Variants in ADGRB3 observed in about 807,000 individuals in gnomAD.
ADGRB3 encodes the protein adhesion G protein-coupled receptor B3.
Under a neutral mutation model 193.4 loss-of-function variants are expected in ADGRB3, and 37 were observed. That is an observed-to-expected ratio of 0.19 (90% confidence interval 0.15 to 0.25). The LOEUF is 0.25. ADGRB3 is among the 10% of genes least tolerant of loss of function. The probability of loss-of-function intolerance (pLI) is 1.00; values close to 1 mark genes in which losing one functional copy is unlikely to be tolerated. For synonymous variants in ADGRB3, 690 were observed against 644.2 expected (o/e 1.07, Z -1.08); for missense variants, 1,637 against 1,852.9 (o/e 0.88, Z 2.14).
At chr6:69,061,760 A>G (rs1322040012) in intron 15 of ADGRB3, among the ~76,000 whole-genome samples, 1 of 43,842 alleles carries the variant, frequency 2.3e-5, no homozygotes, top group Non-Finnish European at 7.0e-5. Flanking sequence ...GTTATGCTAA[A>G]TGAATTAAGT....
chr6:68,868,682 A>G (rs1398596991), intron 3 of ADGRB3, among the ~76,000 whole-genome samples: 3 of 152,210 alleles, frequency 2.0e-5, no homozygotes, highest in South Asian at 2.1e-4. Context: ...TTGGGAAAAA[A>G]TCTAGTTTTA....
At chr6:68,728,571 C>A (rs969059711) in intron 3 of ADGRB3, among the ~76,000 whole-genome samples, 19 of 151,492 alleles carry the variant, frequency 1.3e-4, no homozygotes, top group African/African-American at 4.1e-4. Flanking sequence ...CTAAATTACA[C>A]ACACACAAAC....
intron 3 of ADGRB3, among the ~76,000 whole-genome samples, chr6:68,872,982 A>G (rs1464943239): frequency 6.6e-6 from 1 of 152,128 alleles, no homozygotes; most frequent in Non-Finnish European, 1.5e-5. Flanking sequence ...GAGGAGAGAA[A>G]TGTATTGAAT....
At chr6:69,314,918 G>A (rs1425073003) in intron 20 of ADGRB3, among the ~76,000 whole-genome samples, 1 of 151,440 alleles carries the variant, frequency 6.6e-6, no homozygotes, top group African/African-American at 2.4e-5. Flanking sequence ...ATTAGTTGAG[G>A]TGCTTTATCC....
intron 3 of ADGRB3, among the ~76,000 whole-genome samples, chr6:68,861,465 G>A (rs930392401): frequency 2.0e-5 from 3 of 152,186 alleles, no homozygotes; most frequent in Admixed American, 2.0e-4. Flanking sequence ...GGGAGGTGGA[G>A]GCAGGAGAAT....
chr6:69,255,627 A>G (rs565261226), intron 20 of ADGRB3, among the ~76,000 whole-genome samples: 11 of 152,258 alleles, frequency 7.2e-5, no homozygotes, highest in Admixed American at 2.0e-4. Flanking sequence ...AGTAGGTTGC[A>G]AAAATTTTCT....
chr6:68,657,207 A>G (rs1048074016), intron 3 of ADGRB3, among the ~76,000 whole-genome samples: 1 of 151,424 alleles, frequency 6.6e-6, no homozygotes, highest in Non-Finnish European at 1.5e-5. Flanking sequence ...AAGGAAAATG[A>G]GTACAAATGA....
At chr6:68,913,829 A>G (rs895994445) in intron 3 of ADGRB3, among the ~76,000 whole-genome samples, 12 of 152,210 alleles carry the variant, frequency 7.9e-5, no homozygotes, top group Non-Finnish European at 1.6e-4. Context: ...TAGAATAACC[A>G]ATACAGAGAA....
At chr6:69,331,949 C>A in intron 23 of ADGRB3, 1 of 985,288 alleles carries the variant, frequency 1.0e-6, no homozygotes, top group South Asian at 4.7e-5. Flanking sequence ...TAAGTCCATA[C>A]TTAATAGGTA....
At chr6:69,067,830 G>A (rs1224719798) in intron 16 of ADGRB3, among the ~76,000 whole-genome samples, 1 of 152,152 alleles carries the variant, frequency 6.6e-6, no homozygotes, top group Non-Finnish European at 1.5e-5. Context: ...TTCTTCAGTA[G>A]ACATCCTTCT....
chr6:69,266,312 T>G (rs1280493190), intron 20 of ADGRB3, among the ~76,000 whole-genome samples: 1 of 151,970 alleles, frequency 6.6e-6, no homozygotes, highest in Non-Finnish European at 1.5e-5. Flanking sequence ...TTTAGCATGG[T>G]TTCTTTAGTT....
At position 69,082,182 on chromosome 6, in the gene ADGRB3, G is replaced by GA. The variant is rs918374299; in HGVS notation, c.2480+6153dup. 1.1e-3 allele frequency among the ~76,000 whole-genome samples: 169 copies of GA among 151,194 alleles called. 1 individual carries two copies. The highest frequency in any genetic ancestry group is 3.8e-3 in the African/African-American group (158 of 41,304). On this transcript the variant is annotated intron_variant, in intron 17 of 31. Transcript: ENST00000370598. Reference sequence around the variant, plus strand: ...AATATTTACTATTTAGTCTTTTATAGAAAAAAAAATTGCCAGCCTCTGCCC... The same window carrying GA: ...AATATTTACTATTTAGTCTTTTATAGAAAAAAAAAATTGCCAGCCTCTGCCC...
chr6:69,297,751 G>T (rs1273133342), intron 20 of ADGRB3, among the ~76,000 whole-genome samples: 4 of 151,846 alleles, frequency 2.6e-5, no homozygotes, highest in African/African-American at 7.3e-5. Flanking sequence ...ACCTATAGTT[G>T]CACTCAAAAT....
chr6:68,901,096 T>G (rs964155601), intron 3 of ADGRB3, among the ~76,000 whole-genome samples: 2 of 152,136 alleles, frequency 1.3e-5, no homozygotes, highest in African/African-American at 2.4e-5. Context: ...AATTTAGCAG[T>G]AAATAATAAC....
At chr6:68,638,623 C>A in intron 2 of ADGRB3, 38 bp from the exon 3 acceptor site, 2 of 1,531,042 alleles carry the variant, frequency 1.3e-6, no homozygotes, top group Non-Finnish European at 1.8e-6. Context: ...TGCACGTAGA[C>A]TCCTACTTGC....
In ADGRB3 at chr6:68,755,749, A is replaced by G. The variant is rs531810139; in HGVS notation, c.757+116317A>G. Among the ~76,000 whole-genome samples, 5 of 152,250 alleles carry G rather than the reference A, an allele frequency of 3.3e-5. No homozygotes were observed. The South Asian group carries it at 8.3e-4, about 25-fold the overall frequency. On this transcript the variant is annotated intron_variant, in intron 3 of 31. Coordinates refer to ENST00000370598, the MANE Select transcript of ADGRB3 (RefSeq NM_001704.3). ...ACAGAAGATAGAGGAGCAAGAACTG[A>G]ATGCTTTGGGTGCCAGGAAGTGGAG... is the stretch of plus-strand genomic sequence containing the variant.
rs1582421080 is a variant in ADGRB3 at position 69,048,222 on chromosome 6, A to G, written c.2145A>G (p.Leu715=). Residue 715 remains leucine (L), a synonymous_variant, in exon 14 of 32, where the codon CTA becomes CTG. Coordinates refer to ENST00000370598, the MANE Select transcript of ADGRB3 (RefSeq NM_001704.3). ...SIQKLPAASV[L]TDINFPMKGR... is the part of the protein sequence containing the mutation. ...AGAAGCTTCCTGCAGCCTCTGTTCT[A>G]ACAGACATCAACTTTCCAATGAAAG... 2 of 1,613,510 alleles carry G rather than the reference A, an allele frequency of 1.2e-6. No homozygotes were observed. The highest frequency in any genetic ancestry group is 1.1e-5 in the South Asian group (1 of 91,058).
At chr6:69,234,852 G>A (rs1766225700) in intron 18 of ADGRB3, among the ~76,000 whole-genome samples, 180 bp from the exon 19 acceptor site, 1 of 152,042 alleles carries the variant, frequency 6.6e-6, no homozygotes, top group African/African-American at 2.4e-5. Context: ...GGGGGAAGCT[G>A]CAATTAGTAT....
intron 29 of ADGRB3, among the ~76,000 whole-genome samples, chr6:69,365,211 G>T (rs1769542928): frequency 1.3e-5 from 2 of 152,012 alleles, no homozygotes; most frequent in South Asian, 4.1e-4. Flanking sequence ...CTGGCTTTTG[G>T]CTGGGTTCTA....
Sources: gnomAD v4.1 joint callset for allele counts (sites outside exome capture counted in the v4.1 genomes callset) on GRCh38, gnomAD v4.1.1 for gene constraint, MANE v1.5 for transcripts, NCBI Gene and HGNC (gene_info 2026-07-23, HGNC 2026-07-21) for gene names.